Variants in STRBP observed in about 807,000 individuals in gnomAD.
STRBP encodes the protein spermatid perinuclear RNA-binding protein.
Under a neutral mutation model 80.1 loss-of-function variants are expected in STRBP, and 13 were observed. The ratio of observed to expected loss-of-function variants is 0.16; its 90% CI spans 0.11 to 0.26. The LOEUF (loss-of-function observed/expected upper bound fraction) is 0.26, where lower values mean the gene tolerates loss of function less well. Ranked by LOEUF, STRBP falls within the 10% of genes least tolerant of loss-of-function variation. The probability of loss-of-function intolerance (pLI) is 1.00; values close to 1 mark genes in which losing one functional copy is unlikely to be tolerated. For missense variants in STRBP, 485 were observed against 815.2 expected, an observed-to-expected ratio of 0.59 and a Z score of 4.93; for synonymous variants, 284 against 291.2, an observed-to-expected ratio of 0.98 and a Z score of 0.25.
intron 17 of STRBP, among the ~76,000 whole-genome samples, chr9:123,131,971 C>T (rs1660532413): frequency 6.6e-6 from 1 of 152,224 alleles, no homozygotes; most frequent in Non-Finnish European, 1.5e-5. Context: ...TGATCAGTAT[C>T]TACAAGTGGT....
intron 1 of STRBP, among the ~76,000 whole-genome samples, chr9:123,242,231 G>A (rs372917149): frequency 3.3e-5 from 5 of 152,256 alleles, no homozygotes; most frequent in South Asian, 4.2e-4. Flanking sequence ...GAGGTATATC[G>A]TTATTATTCA....
At chr9:123,205,696 TAC>T (rs1489370031) in intron 2 of STRBP, among the ~76,000 whole-genome samples, 2 of 152,342 alleles carry the variant, frequency 1.3e-5, no homozygotes, top group East Asian at 3.9e-4. Context: ...AATTAATAAG[TAC>T]ATTAGATCCT....
intron 3 of STRBP, among the ~76,000 whole-genome samples, chr9:123,180,218 G>A (rs1471758671): frequency 6.6e-6 from 1 of 152,154 alleles, no homozygotes; most frequent in Non-Finnish European, 1.5e-5. Flanking sequence ...CTATGTCACT[G>A]CACTCCAACC....
chr9:123,239,275 T>G (rs985802622), intron 1 of STRBP, among the ~76,000 whole-genome samples: 31 of 152,106 alleles, frequency 2.0e-4, no homozygotes, highest in African/African-American at 7.5e-4. Flanking sequence ...CTCAGGAGGC[T>G]GAGGCGGGAG....
In STRBP at chr9:123,132,898, A is replaced by G; in HGVS notation, c.1844T>C (p.Leu615Pro). 1.9e-6 allele frequency: 3 copies of G among 1,614,144 alleles called. No homozygotes were observed. Among genetic ancestry groups the G allele is most frequent in the South Asian group, 1.1e-5 (1 of 91,082 alleles). The stretch of plus-strand genomic sequence containing the variant: ...CGCCCCAACAAAAGCTCCCCTTGTT[A>G]GAGTTCCTCTTCCTCTGCCCCGAAC... ...QAVRGRGRGT[L>P]TRGAFVGATA... Residue 615 changes from leucine to proline, a missense_variant, in exon 17 of 19, where the codon CTA (leucine) becomes CCA (proline). Leu to Pro is a moderately conservative substitution (Grantham distance 98). This residue lies in a region of STRBP where 85 missense variants were observed against 120.1 expected (regional missense o/e 0.71). Transcript: ENST00000348403.
At chr9:123,133,323 C>G (rs1275337218) in intron 16 of STRBP, among the ~76,000 whole-genome samples, 1 of 152,188 alleles carries the variant, frequency 6.6e-6, no homozygotes, top group Admixed American at 6.5e-5. Context: ...TATCTGCCAA[C>G]AGGCAGAAAA....
chr9:123,161,463 T>G (rs1048324336), intron 6 of STRBP, among the ~76,000 whole-genome samples: 7 of 152,212 alleles, frequency 4.6e-5, no homozygotes, highest in African/African-American at 1.7e-4. Flanking sequence ...AACAATTTTT[T>G]TAACAGAAGA....
intron 1 of STRBP, among the ~76,000 whole-genome samples, chr9:123,259,617 G>A (rs1488875076): frequency 6.6e-6 from 1 of 152,110 alleles, no homozygotes; most frequent in African/African-American, 2.4e-5. Flanking sequence ...GCTGAGGCAG[G>A]AGAATTGCTT....
chr9:123,173,927 T>C (rs1377861427), intron 4 of STRBP, 85 bp from the exon 5 acceptor site: 3 of 1,392,272 alleles, frequency 2.2e-6, no homozygotes, highest in African/African-American at 1.5e-5. Flanking sequence ...TGAATACTCT[T>C]ACAAACTGAT....
intron 3 of STRBP, chr9:123,112,949 C>A: frequency 6.0e-6 from 1 of 167,238 alleles, no homozygotes. Context: ...TTCATTTATC[C>A]TGCCCTCGTA....
At position 123,128,278 on chromosome 9, in the gene STRBP, G is replaced by A. The variant is rs755995760; in HGVS notation, c.1898-20C>T. The A allele has an allele frequency of 2.5e-6, 4 of 1,614,088 alleles. No homozygotes were observed. In the East Asian group the frequency reaches 8.9e-5, roughly 36 times the overall value. ...CATAGCCTAGTGCAAAGAAGAAGAA[G>A]GCAGATCAGTCCAAGACCCAGGGCA... On this transcript the variant is annotated intron_variant, in intron 17 of 18. Transcript: ENST00000348403.
At chr9:123,214,679 G>A (rs1010484899) in intron 2 of STRBP, among the ~76,000 whole-genome samples, 3 of 152,056 alleles carry the variant, frequency 2.0e-5, no homozygotes, top group African/African-American at 7.2e-5. Context: ...CATCCCAAGT[G>A]TAACATTAAT....
intron 6 of STRBP, among the ~76,000 whole-genome samples, chr9:123,163,646 A>C (rs2037621812): frequency 6.6e-6 from 1 of 152,172 alleles, no homozygotes; most frequent in African/African-American, 2.4e-5. Context: ...ATACAAATTC[A>C]TATGGTAGTA....
intron 13 of STRBP, among the ~76,000 whole-genome samples, chr9:123,142,586 C>G (rs1051994733): frequency 6.6e-6 from 1 of 152,166 alleles, no homozygotes; most frequent in South Asian, 2.1e-4. Flanking sequence ...AGAAATCCCC[C>G]TTCATCCTGA....
intron 2 of STRBP, among the ~76,000 whole-genome samples, chr9:123,217,136 C>G (rs372390199): frequency 2.0e-4 from 31 of 152,058 alleles, no homozygotes; most frequent in African/African-American, 7.0e-4. Flanking sequence ...AATACAAACT[C>G]AACCCGAAAG....
At chr9:123,209,611 A>G (rs1408554446) in intron 2 of STRBP, among the ~76,000 whole-genome samples, 1 of 152,222 alleles carries the variant, frequency 6.6e-6, no homozygotes, top group South Asian at 2.1e-4. Flanking sequence ...CTAAAAGAGT[A>G]TGGGGTGTAT....
At chr9:123,114,450 C>G (rs1231048635) in intron 3 of STRBP, 1 of 167,130 alleles carries the variant, frequency 6.0e-6, no homozygotes, top group African/African-American at 2.4e-5. Context: ...AATGGATTAA[C>G]TTTTTGCCAA....
chr9:123,201,095 T>G (rs574277553), intron 2 of STRBP, among the ~76,000 whole-genome samples: 1 of 152,302 alleles, frequency 6.6e-6, no homozygotes, highest in East Asian at 1.9e-4. Context: ...CAGTTTCATT[T>G]CTAATTGAGC....
intron 11 of STRBP, among the ~76,000 whole-genome samples, chr9:123,155,768 A>G (rs368207519): frequency 9.8e-5 from 15 of 152,294 alleles, no homozygotes; most frequent in East Asian, 3.9e-4. Flanking sequence ...AGAGGATAAA[A>G]TATTTGTGAG....
Sources: allele counts gnomAD v4.1 joint callset (sites outside exome capture counted in the v4.1 genomes callset), GRCh38; gene constraint gnomAD v4.1.1; regional missense constraint gnomAD v4.1.1; transcripts MANE v1.5; gene names NCBI Gene and HGNC (gene_info 2026-07-23, HGNC 2026-07-21).